Variants in CNTN5 observed in about 807,000 individuals in gnomAD.
CNTN5 encodes contactin 5, also known as contactin-5.
CNTN5 carries 77 observed loss-of-function variants against 129.1 expected under a neutral mutation model. The observed-to-expected ratio is 0.60, with a 90% confidence interval of 0.50 to 0.72. The LOEUF (loss-of-function observed/expected upper bound fraction) is 0.72, where lower values mean the gene tolerates loss of function less well. Ranked by LOEUF, CNTN5 falls within the 30% of genes least tolerant of loss-of-function variation. The probability of loss-of-function intolerance (pLI) is 0.00; values close to 1 mark genes in which losing one functional copy is unlikely to be tolerated. For missense variants in CNTN5, 1,478 were observed against 1,328.8 expected, an observed-to-expected ratio of 1.11 and a Z score of -1.75; for synonymous variants, 509 against 465.6, an observed-to-expected ratio of 1.09 and a Z score of -1.20.
intron 1 of CNTN5, among the ~76,000 whole-genome samples, chr11:99,316,213 A>G (rs1865336202): frequency 6.6e-6 from 1 of 152,168 alleles, no homozygotes; most frequent in Non-Finnish European, 1.5e-5. Context: ...CGTATCCAAG[A>G]TGAAAGCTGA....
At chr11:100,160,026 C>T (rs1947391757) in intron 13 of CNTN5, among the ~76,000 whole-genome samples, 1 of 151,696 alleles carries the variant, frequency 6.6e-6, no homozygotes, top group Non-Finnish European at 1.5e-5. Flanking sequence ...TTTGCTGCAC[C>T]CATCATCTAC....
intron 6 of CNTN5, among the ~76,000 whole-genome samples, chr11:99,903,779 G>A (rs1949420815): frequency 6.6e-6 from 1 of 152,182 alleles, no homozygotes; most frequent in East Asian, 1.9e-4. Context: ...TCTGACAAAG[G>A]ATTAATATCC....
intron 3 of CNTN5, among the ~76,000 whole-genome samples, chr11:99,651,364 T>TA (rs530416632): frequency 2.0e-5 from 3 of 151,120 alleles, no homozygotes; most frequent in Non-Finnish European, 3.0e-5. Context: ...GAGAAAAGGT[T>TA]AAAAAAAAAT....
chr11:99,500,367 G>T (rs1335142053), intron 2 of CNTN5, among the ~76,000 whole-genome samples: 1 of 152,034 alleles, frequency 6.6e-6, no homozygotes, highest in Non-Finnish European at 1.5e-5. Flanking sequence ...TAACACATTT[G>T]TTTTAATGGA....
chr11:99,976,026 C>A (rs1233362621), intron 8 of CNTN5, among the ~76,000 whole-genome samples: 1 of 152,194 alleles, frequency 6.6e-6, no homozygotes, highest in African/African-American at 2.4e-5. Flanking sequence ...GGTATAGGCA[C>A]TGGGTAAATG....
chr11:100,340,440 G>A (rs1389867339), intron 21 of CNTN5, 23 bp from the exon 22 acceptor site: 4 of 1,571,202 alleles, frequency 2.5e-6, no homozygotes, highest in Admixed American at 3.5e-5. Context: ...AAATTAACCT[G>A]CCATGTGATA....
intron 1 of CNTN5, among the ~76,000 whole-genome samples, chr11:99,037,699 C>T (rs1423001327): frequency 2.7e-5 from 4 of 150,648 alleles, no homozygotes; most frequent in African/African-American, 4.9e-5. Flanking sequence ...TCTGCCTCAG[C>T]GTCCCAAGTA....
intron 23 of CNTN5, among the ~76,000 whole-genome samples, chr11:100,346,905 A>G (rs1472278170): frequency 6.6e-6 from 1 of 152,126 alleles, no homozygotes; most frequent in Non-Finnish European, 1.5e-5. Context: ...GGTGAAAGGA[A>G]CGTCTCACAT....
intron 8 of CNTN5, among the ~76,000 whole-genome samples, chr11:99,992,605 G>A (rs1175577283): frequency 1.3e-5 from 2 of 152,120 alleles, no homozygotes; most frequent in Non-Finnish European, 1.5e-5. Flanking sequence ...TTCATCATCA[G>A]GCTTAGAGTT....
At chr11:100,275,723 G>A (rs1315366620) in intron 18 of CNTN5, among the ~76,000 whole-genome samples, 1 of 152,148 alleles carries the variant, frequency 6.6e-6, no homozygotes, top group South Asian at 2.1e-4. Context: ...ACATACTTTA[G>A]TCCATTAAAA....
chr11:99,046,137 G>A (rs528759606), intron 1 of CNTN5, among the ~76,000 whole-genome samples: 3 of 152,174 alleles, frequency 2.0e-5, no homozygotes, highest in East Asian at 1.9e-4. Flanking sequence ...CCAGGGGTGC[G>A]AGACCAGACT....
At chr11:99,299,204 G>T (rs1220187330) in intron 1 of CNTN5, among the ~76,000 whole-genome samples, 1 of 152,100 alleles carries the variant, frequency 6.6e-6, no homozygotes, top group African/African-American at 2.4e-5. Flanking sequence ...ACCTTAGAGG[G>T]TACAGATATT....
At chr11:99,835,847 C>G (rs752388654) in intron 4 of CNTN5, among the ~76,000 whole-genome samples, 18 of 152,098 alleles carry the variant, frequency 1.2e-4, no homozygotes, top group Non-Finnish European at 2.4e-4. Context: ...AGTAAGCAAT[C>G]AAGTGGTCTG....
chr11:99,703,423 A>C (rs1954613566), intron 3 of CNTN5, among the ~76,000 whole-genome samples: 1 of 150,758 alleles, frequency 6.6e-6, no homozygotes, highest in East Asian at 2.0e-4. Flanking sequence ...TTCATTGCAT[A>C]AATGTTTCTA....
chr11:100,092,134 T>C (rs895169430), intron 13 of CNTN5, among the ~76,000 whole-genome samples: 3 of 152,036 alleles, frequency 2.0e-5, no homozygotes, highest in Non-Finnish European at 4.4e-5. Context: ...AATCAGAAGG[T>C]TGTAAGCAGA....
chr11:99,752,373 G>T (rs1944263830), intron 3 of CNTN5, among the ~76,000 whole-genome samples: 1 of 152,148 alleles, frequency 6.6e-6, no homozygotes, highest in Non-Finnish European at 1.5e-5. Context: ...AATGTCATTA[G>T]CAAACTACTC....
chr11:99,808,921 C>T (rs1014384313), intron 3 of CNTN5, among the ~76,000 whole-genome samples: 15 of 152,176 alleles, frequency 9.9e-5, no homozygotes, highest in East Asian at 5.8e-4. Context: ...AAGACAGTAA[C>T]GGACAGCTAA....
At chr11:99,666,659 A>G (rs1049242152) in intron 3 of CNTN5, among the ~76,000 whole-genome samples, 1 of 152,162 alleles carries the variant, frequency 6.6e-6, no homozygotes, top group African/African-American at 2.4e-5. Context: ...GACAGCCGCA[A>G]TGGCATGGAT....
chr11:99,464,035 CTT>C lies in CNTN5; in HGVS notation c.-70-92108_-70-92107del, dbSNP rs1944839477. Among the ~76,000 whole-genome samples, 8 of 152,260 alleles carry C rather than the reference CTT, an allele frequency of 5.3e-5. No individual in the cohort carries two copies. The South Asian group carries it at 1.7e-3, about 32-fold the overall frequency. ...GATCATAGTGAATTTTTGAAGCTCT[CTT>C]TACTAATTTCTTTAACTGGGTTTGT... On this transcript the variant is annotated intron_variant, in intron 2 of 24. Coordinates refer to ENST00000524871, the MANE Select transcript of CNTN5 (RefSeq NM_014361.4).
Sources: allele counts gnomAD v4.1 joint callset (sites outside exome capture counted in the v4.1 genomes callset), GRCh38; gene constraint gnomAD v4.1.1; transcripts MANE v1.5; gene names NCBI Gene and HGNC (gene_info 2026-07-23, HGNC 2026-07-21).